Variants in NXF3 observed in about 807,000 individuals in gnomAD.
NXF3 encodes TAP-like protein 3.
A neutral mutation model predicts 48.4 loss-of-function variants in NXF3; 34 were observed. The ratio of observed to expected loss-of-function variants is 0.70; its 90% CI spans 0.53 to 0.93. The LOEUF (loss-of-function observed/expected upper bound fraction) is 0.93. Ranked by LOEUF, NXF3 falls within the 40% of genes least tolerant of loss-of-function variation. The pLI is 0.00. For synonymous variants in NXF3, 132 were observed against 145.7 expected (o/e 0.91, Z 0.68); for missense variants, 359 against 406.1 (o/e 0.88, Z 1.00).
chrX:103,083,322 C>G (rs1227394561), intron 5 of NXF3, 49 bp from the exon 6 acceptor site: 1 of 1,180,577 alleles, frequency 8.5e-7, no homozygotes, highest in African/African-American at 1.8e-5. Flanking sequence ...ACTCTGACCC[C>G]CAAGATCAAG....
intron 1 of NXF3, chrX:103,087,170 C>A: frequency 3.4e-6 from 2 of 591,587 alleles, no homozygotes; most frequent in Non-Finnish European, 5.4e-6. Context: ...CGCTATGGAG[C>A]TCATCAGACT....
In NXF3 at chrX:103,083,036, G is replaced by T. The variant is rs1249821064; in HGVS notation, c.659C>A (p.Ala220Asp). Residue 220 changes from alanine (A) to aspartate (D), a missense_variant, in exon 7 of 20, where the codon GCT (alanine) becomes GAT (aspartate). Physicochemically the swap from Ala to Asp is moderately radical, Grantham distance 126 (BLOSUM62 -2). Transcript: ENST00000395065. ...MNQQCDVSQE[A>D]LDIQRLPFYP... Reference sequence around the variant, plus strand: ...AAATGGGAGTCTCTGGATATCAAGAGCTTCCTGGGAGACATCACACTGTTG... The same window carrying T: ...AAATGGGAGTCTCTGGATATCAAGATCTTCCTGGGAGACATCACACTGTTG... 8.3e-7 allele frequency: 1 copy of T among 1,209,121 alleles called. No individual in the cohort carries two copies. The highest frequency in any genetic ancestry group is 1.1e-6 in the Non-Finnish European group (1 of 894,662).
chrX:103,084,766 T>G lies in NXF3; in HGVS notation c.146A>C (p.Gln49Pro). The change falls in exon 2 of 20, where the codon CAA becomes CCA. Residue 49 changes from glutamine (Q) to proline (P), a missense_variant. Coordinates refer to ENST00000395065, the MANE Select transcript of NXF3 (RefSeq NM_022052.2). The part of the protein sequence containing the change: ...PGMHSSSHQQ[Q>P]DGDAAMHGAH... ...ACCATGCATTGCTGCATCTCCATCT[T>G]GCTGCTGATGGGATGAAGAATGCAT... 1 of 1,211,824 alleles carries G rather than the reference T, an allele frequency of 8.3e-7. No individual in the cohort carries two copies. Among genetic ancestry groups the G allele is most frequent in the Non-Finnish European group, 1.1e-6 (1 of 895,337 alleles).
At chrX:103,082,184 G>A in intron 9 of NXF3, 71 bp downstream of exon 9, 1 of 686,115 alleles carries the variant, frequency 1.5e-6, no homozygotes, top group Middle Eastern at 3.4e-4. Context: ...GACTAGTGCT[G>A]CCTCCTCCTG....
Position 103,083,182 on chromosome X carries a change from G to T in NXF3, c.621+11C>A. ...GCTTTGTGTGAACAACTTGCCATGA[G>T]TCTGTGTTACCTTTATCTGCTCCAC... On this transcript the variant is annotated intron_variant, in intron 6 of 19. Coordinates refer to ENST00000395065, the MANE Select transcript of NXF3 (RefSeq NM_022052.2). 1 of 1,209,455 alleles carries T rather than the reference G, an allele frequency of 8.3e-7. No individual in the cohort carries two copies. The highest frequency in any genetic ancestry group is 1.1e-6 in the Non-Finnish European group (1 of 893,619).
chrX:103,082,468 G>C (rs1922040408), intron 8 of NXF3, 104 bp from the exon 9 acceptor site: 2 of 540,520 alleles, frequency 3.7e-6, no homozygotes, highest in African/African-American at 4.6e-5. Context: ...CTTGCCTCTT[G>C]TCACTACCCT....
intron 16 of NXF3, 117 bp downstream of exon 16, chrX:103,079,104 G>T: frequency 1.3e-6 from 1 of 782,610 alleles, no homozygotes; most frequent in Non-Finnish European, 2.0e-6. Flanking sequence ...AAAACACGGA[G>T]GGAACAAGAG....
At chrX:103,079,507 G>C in intron 14 of NXF3, 33 bp from the exon 15 acceptor site, 1 of 1,185,247 alleles carries the variant, frequency 8.4e-7, no homozygotes, top group African/African-American at 1.7e-5. Context: ...GGATTTGGGG[G>C]GCTGCCACAC....
At chrX:103,091,663 G>A (rs1922277934) in intron 1 of NXF3, among the ~76,000 whole-genome samples, 1 of 110,401 alleles carries the variant, frequency 9.1e-6, no homozygotes, top group Non-Finnish European at 1.9e-5. Flanking sequence ...GCTTCTTAAG[G>A]AAACTTTATA....
At chrX:103,088,695 C>G in intron 1 of NXF3, 1 of 971,418 alleles carries the variant, frequency 1.0e-6, no homozygotes, top group Non-Finnish European at 1.4e-6. Context: ...TTAGTTCATA[C>G]TGGACAGAGG....
rs369665402 is a variant in NXF3 at position 103,084,903 on chromosome X, A to G, written c.29-20T>C. ...TGTGACCTTAAATTAAGAACAGCAC[A>G]TCAACACTTAGAATACCAGAAAAAA... is the stretch of plus-strand genomic sequence containing the variant. On this transcript the variant is annotated intron_variant, in intron 1 of 19. Coordinates refer to ENST00000395065, the MANE Select transcript of NXF3 (RefSeq NM_022052.2). 183 of 1,179,925 alleles carry G rather than the reference A, an allele frequency of 1.6e-4. No homozygotes were observed. Among genetic ancestry groups the G allele is most frequent in the Non-Finnish European group, 2.0e-4 (171 of 871,200 alleles).
chrX:103,083,766 A>G, intron 3 of NXF3, 74 bp from the exon 4 acceptor site: 1 of 761,676 alleles, frequency 1.3e-6, no homozygotes. Flanking sequence ...GTGGACCCAA[A>G]TATGTTCCTT....
At chrX:103,089,083 G>A (rs1429590009) in intron 1 of NXF3, 8 of 1,032,228 alleles carry the variant, frequency 7.8e-6, no homozygotes, top group East Asian at 3.0e-5. Context: ...CTGTACCGAC[G>A]CAGTGTTTGT....
rs774421181 is a variant in NXF3 at position 103,088,117 on chromosome X, A to G, written c.29-3234T>C. The G allele has an allele frequency of 3.8e-4, 358 of 929,930 alleles. 1 individual carries two copies. The African/African-American group carries it at 6.1e-3, about 16-fold the overall frequency. 76.6% of individuals were successfully genotyped at this position (929,930 alleles called of 1,213,427 possible). On this transcript the variant is annotated intron_variant, in intron 1 of 19. Transcript: ENST00000395065. ...TGTTTTGAATCACAGCAGATTCTCA[A>G]TGAACACATGTGTTTTCCTGCTAGA...
Position 103,086,368 on chromosome X carries a change from G to A in NXF3, c.29-1485C>T, listed in dbSNP as rs184004724. On this transcript the variant is annotated intron_variant, in intron 1 of 19. Coordinates refer to ENST00000395065, the MANE Select transcript of NXF3 (RefSeq NM_022052.2). Reference sequence around the variant, plus strand: ...AGAGCTTGTAGTGAGCCGAAATCCCGCCACTGCACTCCAGTGCAGAACTAA... The same window carrying A: ...AGAGCTTGTAGTGAGCCGAAATCCCACCACTGCACTCCAGTGCAGAACTAA... 2.1e-3 allele frequency among the ~76,000 whole-genome samples: 231 copies of A among 110,912 alleles called. 1 individual carries two copies. The highest frequency in any genetic ancestry group is 3.4e-3 in the Non-Finnish European group (180 of 52,875).
intron 1 of NXF3, among the ~76,000 whole-genome samples, chrX:103,091,878 G>A (rs1203128420): frequency 1.4e-4 from 15 of 107,028 alleles, no homozygotes; most frequent in African/African-American, 4.8e-4. Context: ...CCAGCTACTC[G>A]GGAGGCTGAG....
rs1183756129 is a variant in NXF3 at position 103,079,999 on chromosome X, C to T, written c.1052+14G>A. ...CCTAGCCTTCTCTTGCCTCAGATTC[C>T]CAGGGATACTTACTGCTGCAGGAAT... On this transcript the variant is annotated intron_variant, in intron 12 of 19. Coordinates refer to ENST00000395065, the MANE Select transcript of NXF3 (RefSeq NM_022052.2). 8.3e-7 allele frequency: 1 copy of T among 1,210,134 alleles called. No individual in the cohort carries two copies. The highest frequency in any genetic ancestry group is 1.1e-6 in the Non-Finnish European group (1 of 894,294).
In NXF3 at chrX:103,087,996, T is replaced by C. The variant is rs1178440188; in HGVS notation, c.29-3113A>G. On this transcript the variant is annotated intron_variant, in intron 1 of 19. Transcript: ENST00000395065. ...ATAAGTTAAATGCAAATCAGGGTGG[T>C]TTTGAAAATGGTGATATTGGTGAAT... The C allele has an allele frequency of 3.1e-6, 3 of 966,302 alleles. No individual in the cohort carries two copies. In the Admixed American group the frequency reaches 6.9e-5, roughly 22 times the overall value. 79.6% of individuals were successfully genotyped at this position (966,302 alleles called of 1,213,427 possible).
intron 10 of NXF3, 24 bp from the exon 11 acceptor site, chrX:103,080,240 G>A (rs1921975923): frequency 8.5e-7 from 1 of 1,176,110 alleles, no homozygotes; most frequent in Non-Finnish European, 1.2e-6. Flanking sequence ...GAGGAAGTCA[G>A]TAGTGCAAAG....
Sources: allele counts gnomAD v4.1 joint callset (sites outside exome capture counted in the v4.1 genomes callset), GRCh38; gene constraint gnomAD v4.1.1; transcripts MANE v1.5; gene names NCBI Gene and HGNC (gene_info 2026-07-23, HGNC 2026-07-21).